TBC1D4: variants seen among roughly 807,000 people sequenced by gnomAD.
TBC1D4 encodes TBC (Tre-2, BUB2, CDC16) domain-containing protein.
TBC1D4 carries 121 observed loss-of-function variants against 142.5 expected under a neutral mutation model. That is an observed-to-expected ratio of 0.85 (90% CI 0.73 to 0.99). The LOEUF (loss-of-function observed/expected upper bound fraction) is 0.99. Ranked by LOEUF, TBC1D4 falls within the 50% of genes least tolerant of loss-of-function variation. The pLI is 0.00. For missense variants in TBC1D4, 1,475 were observed against 1,606.6 expected, an observed-to-expected ratio of 0.92 and a Z score of 1.40; for synonymous variants, 630 against 628.2, an observed-to-expected ratio of 1.00 and a Z score of -0.04.
intron 1 of TBC1D4, among the ~76,000 whole-genome samples, chr13:75,389,052 G>C (rs577472102): frequency 6.6e-6 from 1 of 152,218 alleles, no homozygotes; most frequent in Non-Finnish European, 1.5e-5. Flanking sequence ...TTAAATGAGA[G>C]CAGACACATG....
At chr13:75,392,563 TTTC>T (rs545161449) in intron 1 of TBC1D4, among the ~76,000 whole-genome samples, 7 of 152,110 alleles carry the variant, frequency 4.6e-5, no homozygotes, top group African/African-American at 7.2e-5. Flanking sequence ...TCCTTTTCCT[TTTC>T]TTCTTCTTAC....
chr13:75,461,854 C>T (rs1205689809), intron 1 of TBC1D4, among the ~76,000 whole-genome samples: 1 of 152,198 alleles, frequency 6.6e-6, no homozygotes, highest in African/African-American at 2.4e-5. Flanking sequence ...GATCTCATGT[C>T]GGAGAATACC....
chr13:75,388,876 T>G (rs1192065089), intron 1 of TBC1D4, among the ~76,000 whole-genome samples: 2 of 152,168 alleles, frequency 1.3e-5, no homozygotes, highest in Non-Finnish European at 2.9e-5. Context: ...AATTAAAATT[T>G]CATGCCTTCC....
chr13:75,409,227 T>C (rs977347544), intron 1 of TBC1D4, among the ~76,000 whole-genome samples: 3 of 152,212 alleles, frequency 2.0e-5, no homozygotes, highest in Non-Finnish European at 2.9e-5. Context: ...TATACCAGAA[T>C]CTCAACAATG....
At chr13:75,434,972 A>G (rs1484495763) in intron 1 of TBC1D4, among the ~76,000 whole-genome samples, 1 of 150,504 alleles carries the variant, frequency 6.6e-6, no homozygotes, top group Non-Finnish European at 1.5e-5. Flanking sequence ...ACATGGCAAA[A>G]CCCTGTCTCT....
At chr13:75,353,446 C>A (rs1319503737) in intron 4 of TBC1D4, among the ~76,000 whole-genome samples, 1 of 152,132 alleles carries the variant, frequency 6.6e-6, no homozygotes, top group Non-Finnish European at 1.5e-5. Flanking sequence ...ATCCTAGAAC[C>A]TCCATGACAC....
intron 1 of TBC1D4, among the ~76,000 whole-genome samples, chr13:75,439,439 G>A (rs535192852): frequency 6.6e-5 from 10 of 152,126 alleles, no homozygotes; most frequent in African/African-American, 1.2e-4. Context: ...ATGTTCACTC[G>A]GAGATACTGT....
intron 8 of TBC1D4, among the ~76,000 whole-genome samples, chr13:75,331,757 A>C (rs750592176): frequency 1.3e-5 from 2 of 152,050 alleles, no homozygotes; most frequent in Non-Finnish European, 1.5e-5. Context: ...AGTTAGCTAA[A>C]TAAAATATTT....
chr13:75,327,938 G>C (rs1338779169), intron 8 of TBC1D4, 112 bp from the exon 9 acceptor site: 1 of 1,086,248 alleles, frequency 9.2e-7, no homozygotes, highest in South Asian at 1.3e-5. Context: ...TGATCATTTT[G>C]TGGTTCACTT....
At chr13:75,440,144 CAA>C (rs1350402669) in intron 1 of TBC1D4, among the ~76,000 whole-genome samples, 1 of 151,562 alleles carries the variant, frequency 6.6e-6, no homozygotes, top group African/African-American at 2.4e-5. Context: ...TACGTAATTC[CAA>C]AGAGACACAA....
chr13:75,388,271 G>A (rs187498126), intron 1 of TBC1D4, among the ~76,000 whole-genome samples: 2 of 152,222 alleles, frequency 1.3e-5, no homozygotes, highest in African/African-American at 4.8e-5. Context: ...GACATACAAG[G>A]TAATATATTC....
chr13:75,480,873 G>GCACA (rs71657792), intron 1 of TBC1D4, among the ~76,000 whole-genome samples: 71 of 98,882 alleles, frequency 7.2e-4, no homozygotes, highest in African/African-American at 2.4e-3. Context: ...GCGCGCACAC[G>GCACA]CACGCACACA....
In TBC1D4 at chr13:75,327,936, T is replaced by G. The variant is rs1297765885; in HGVS notation, c.1732-110A>C. 7.2e-6 allele frequency: 8 copies of G among 1,114,140 alleles called. 1 individual carries two copies. The African/African-American group carries it at 1.2e-4, about 17-fold the overall frequency. The allele number at this position is 1,114,140 out of a possible 1,614,324, so 69.0% of individuals were successfully genotyped here. ...TAATGTTAGCATTAAATTGATCATT[T>G]TGTGGTTCACTTAAATTTGTTGGCT... On this transcript the variant is annotated intron_variant, in intron 8 of 20. Transcript: ENST00000377636.
At chr13:75,292,469 T>A (rs1050876588) in intron 18 of TBC1D4, among the ~76,000 whole-genome samples, 198 bp from the exon 19 acceptor site, 1 of 152,060 alleles carries the variant, frequency 6.6e-6, no homozygotes, top group East Asian at 1.9e-4. Flanking sequence ...CTCTTAAGAA[T>A]CTCAGATAAA....
chr13:75,397,285 A>T (rs544774396), intron 1 of TBC1D4, among the ~76,000 whole-genome samples: 1 of 152,300 alleles, frequency 6.6e-6, no homozygotes, highest in Non-Finnish European at 1.5e-5. Context: ...GTAATAATCA[A>T]CTCCCAAAAT....
intron 1 of TBC1D4, among the ~76,000 whole-genome samples, chr13:75,434,311 T>C (rs946105350): frequency 3.7e-4 from 57 of 152,082 alleles, no homozygotes; most frequent in African/African-American, 1.2e-3. Context: ...ATATATACCA[T>C]AGAATACTAT....
rs543753052 is a variant in TBC1D4, at chr13:75,385,727, A to C, written c.499-23120T>G. ...ATGCTTTATATATTTTATCTCCTTT[A>C]ATCCTCACAACTATCCTTTGATCCT... On this transcript the variant is annotated intron_variant, in intron 1 of 20. Transcript: ENST00000377636. Among the ~76,000 whole-genome samples the C allele has an allele frequency of 4.6e-5, 7 of 152,330 alleles. No individual in the cohort carries two copies. In the East Asian group the frequency reaches 1.3e-3, roughly 29 times the overall value.
chr13:75,432,361 T>A (rs1219719538), intron 1 of TBC1D4, among the ~76,000 whole-genome samples: 1 of 152,184 alleles, frequency 6.6e-6, no homozygotes, highest in Non-Finnish European at 1.5e-5. Context: ...AACTCCATGT[T>A]CTGAGGCAGC....
In TBC1D4 at chr13:75,287,043, A is replaced by T. The variant is rs775233219; in HGVS notation, c.3664-18T>A. ...TGAGCTACCTGTTTGGGGGGGAAAA[A>T]ATCCTCCAAATCAAATGATTCATTA... On this transcript the variant is annotated intron_variant, in intron 20 of 20. Coordinates refer to ENST00000377636, the MANE Select transcript of TBC1D4 (RefSeq NM_014832.5). 3 of 1,596,320 alleles carry T rather than the reference A, an allele frequency of 1.9e-6. No homozygotes were observed. Among genetic ancestry groups the T allele is most frequent in the South Asian group, 1.1e-5 (1 of 90,712 alleles).
Sources: allele counts gnomAD v4.1 joint callset (sites outside exome capture counted in the v4.1 genomes callset), GRCh38; gene constraint gnomAD v4.1.1; transcripts MANE v1.5; gene names NCBI Gene and HGNC (gene_info 2026-07-23, HGNC 2026-07-21).